PVT1: variants seen among roughly 807,000 people sequenced by gnomAD.
PVT1 encodes Pvt1 oncogene, also known as CXCR4/PVT1 fusion.
intron 4 of PVT1, among the ~76,000 whole-genome samples, chr8:128,026,410 TC>T (rs1415251492): frequency 6.6e-6 from 1 of 152,238 alleles, no homozygotes; most frequent in East Asian, 1.9e-4. Context: ...GTTTGGGCTC[TC>T]ATTTAATCTC....
chr8:128,033,509 C>T (rs1200382185), intron 4 of PVT1, among the ~76,000 whole-genome samples: 5 of 152,220 alleles, frequency 3.3e-5, no homozygotes, highest in African/African-American at 9.7e-5. Flanking sequence ...TTTCCACAAG[C>T]TTCTCCCTGG....
chr8:127,925,381 A>C (rs537266686), intron 3 of PVT1, among the ~76,000 whole-genome samples: 1 of 152,356 alleles, frequency 6.6e-6, no homozygotes, highest in East Asian at 1.9e-4. Context: ...AAAATCCAGC[A>C]TCATGTGATT....
chr8:127,872,381 C>A (rs1294934036), intron 2 of PVT1, among the ~76,000 whole-genome samples: 1 of 152,168 alleles, frequency 6.6e-6, no homozygotes, highest in Non-Finnish European at 1.5e-5. Flanking sequence ...CCACTGCACT[C>A]CAGCCTGGGT....
At chr8:127,901,328 G>A (rs551618500) in intron 3 of PVT1, among the ~76,000 whole-genome samples, 13 of 152,162 alleles carry the variant, frequency 8.5e-5, no homozygotes, top group African/African-American at 2.7e-4. Context: ...GCAGGAAGAG[G>A]GGTGGGGGAC....
chr8:127,838,731 C>T (rs887021640), intron 2 of PVT1, among the ~76,000 whole-genome samples: 7 of 152,098 alleles, frequency 4.6e-5, no homozygotes, highest in Non-Finnish European at 8.8e-5. Context: ...ATAATGGTAG[C>T]TTCTATTTAT....
intron 3 of PVT1, among the ~76,000 whole-genome samples, chr8:127,984,960 C>T (rs1816943623): frequency 7.2e-6 from 1 of 138,382 alleles, no homozygotes; most frequent in Non-Finnish European, 1.5e-5. Context: ...TCCTTCCTTC[C>T]TTCCTCCCTC....
intron 2 of PVT1, among the ~76,000 whole-genome samples, chr8:127,843,990 A>T (rs925008762): frequency 6.1e-5 from 9 of 147,082 alleles, no homozygotes; most frequent in Admixed American, 2.7e-4. Flanking sequence ...CATTATTATT[A>T]TTTTTTTTTT....
At chr8:127,893,116 C>G (rs1815632186) in intron 3 of PVT1, among the ~76,000 whole-genome samples, 1 of 152,188 alleles carries the variant, frequency 6.6e-6, no homozygotes, top group African/African-American at 2.4e-5. Flanking sequence ...GATTCCTTCT[C>G]TGTGTCAGCA....
intron 3 of PVT1, among the ~76,000 whole-genome samples, chr8:127,931,197 CACCT>C (rs1326019677): frequency 7.9e-5 from 12 of 152,172 alleles, no homozygotes; most frequent in African/African-American, 2.9e-4. Flanking sequence ...TGAGCCACTG[CACCT>C]GGCCAAGAAC....
At chr8:128,098,264 A>G (rs1459785291) in intron 6 of PVT1, among the ~76,000 whole-genome samples, 6 of 152,156 alleles carry the variant, frequency 3.9e-5, no homozygotes, top group Non-Finnish European at 8.8e-5. Context: ...CTGTGTTTAG[A>G]GTGTCACAAA....
At chr8:127,836,494 C>T (rs1344046954) in intron 2 of PVT1, among the ~76,000 whole-genome samples, 1 of 152,060 alleles carries the variant, frequency 6.6e-6, no homozygotes, top group African/African-American at 2.4e-5. Flanking sequence ...TAGGTCAAGG[C>T]TGAACCATGT....
chr8:127,924,597 C>T (rs1459980052), intron 3 of PVT1, among the ~76,000 whole-genome samples: 3 of 151,394 alleles, frequency 2.0e-5, no homozygotes, highest in East Asian at 1.9e-4. Context: ...CTGTAAGCTC[C>T]GCCTCCCGTG....
At chr8:128,033,906 A>G (rs1224647761) in intron 4 of PVT1, among the ~76,000 whole-genome samples, 2 of 152,044 alleles carry the variant, frequency 1.3e-5, no homozygotes, top group Non-Finnish European at 1.5e-5. Flanking sequence ...GCCCCTCTCC[A>G]CACTTTTGCT....
At chr8:128,046,357 C>T (rs944610273) in intron 4 of PVT1, among the ~76,000 whole-genome samples, 1 of 152,196 alleles carries the variant, frequency 6.6e-6, no homozygotes, top group African/African-American at 2.4e-5. Flanking sequence ...AGAAAACTGT[C>T]CACGGGGTCG....
chr8:128,061,038 T>G (rs1813824429), intron 4 of PVT1, among the ~76,000 whole-genome samples: 1 of 151,786 alleles, frequency 6.6e-6, no homozygotes, highest in South Asian at 2.1e-4. Flanking sequence ...GCCTCCCAAG[T>G]AGCTGGGACT....
At chr8:127,899,675 T>G (rs2129822016) in intron 3 of PVT1, among the ~76,000 whole-genome samples, 1 of 152,288 alleles carries the variant, frequency 6.6e-6, no homozygotes, top group East Asian at 1.9e-4. Flanking sequence ...AGCCTGGAGC[T>G]GGTGGAAGTG....
chr8:127,899,656 T>G (rs2129821977), intron 3 of PVT1, among the ~76,000 whole-genome samples: 1 of 152,232 alleles, frequency 6.6e-6, no homozygotes, highest in East Asian at 1.9e-4. Context: ...TTTGATTATT[T>G]GGGGAGGGAG....
intron 2 of PVT1, among the ~76,000 whole-genome samples, chr8:127,829,942 T>C (rs1814832106): frequency 6.6e-6 from 1 of 152,222 alleles, no homozygotes; most frequent in South Asian, 2.1e-4. Context: ...GCTGGCAATC[T>C]CTGGCTTGTG....
intron 2 of PVT1, among the ~76,000 whole-genome samples, chr8:127,825,035 A>G (rs1273332861): frequency 6.9e-6 from 1 of 144,812 alleles, no homozygotes; most frequent in African/African-American, 2.6e-5. Context: ...CTGGAAAATC[A>G]TTTGAACCCA....
Sources: gnomAD v4.1 joint callset for allele counts (sites outside exome capture counted in the v4.1 genomes callset) on GRCh38, gnomAD v4.1.1 for gene constraint, MANE v1.5 for transcripts, NCBI Gene and HGNC (gene_info 2026-07-23, HGNC 2026-07-21) for gene names.